CAMKMT: variants seen among roughly 807,000 people sequenced by gnomAD.
CAMKMT encodes the protein CaM KMT.
Under a neutral mutation model 48.0 loss-of-function variants are expected in CAMKMT, and 53 were observed. The ratio of observed to expected loss-of-function variants is 1.10; its 90% CI spans 0.89 to 1.39. CAMKMT has a LOEUF of 1.39. Ranked by LOEUF, CAMKMT falls within the 40% of genes most tolerant of loss-of-function variation. CAMKMT has a pLI of 0.00. For missense variants in CAMKMT, 428 were observed against 402.7 expected, an observed-to-expected ratio of 1.06 and a Z score of -0.54; for synonymous variants, 165 against 152.3, an observed-to-expected ratio of 1.08 and a Z score of -0.61.
intron 6 of CAMKMT, among the ~76,000 whole-genome samples, chr2:44,709,063 T>C (rs544475074): frequency 2.2e-4 from 34 of 152,294 alleles, no homozygotes; most frequent in African/African-American, 7.9e-4. Context: ...AATGCTAATG[T>C]CATTAATTAA....
intron 7 of CAMKMT, among the ~76,000 whole-genome samples, chr2:44,742,518 A>G (rs1188684212): frequency 2.6e-5 from 4 of 152,208 alleles, no homozygotes; most frequent in African/African-American, 9.6e-5. Context: ...TCTATGGCAC[A>G]GCACAGGACC....
intron 3 of CAMKMT, among the ~76,000 whole-genome samples, chr2:44,675,683 T>C (rs1675645588): frequency 6.6e-6 from 1 of 152,194 alleles, no homozygotes; most frequent in Admixed American, 6.5e-5. Flanking sequence ...TAATGTAAAA[T>C]TTACCATTTG....
intron 3 of CAMKMT, among the ~76,000 whole-genome samples, chr2:44,466,156 C>T (rs1374181597): frequency 6.6e-6 from 1 of 152,108 alleles, no homozygotes; most frequent in African/African-American, 2.4e-5. Context: ...CAAAGGACTT[C>T]AATAACATTA....
intron 10 of CAMKMT, among the ~76,000 whole-genome samples, chr2:44,771,421 T>G (rs1441043999): frequency 6.6e-6 from 1 of 152,210 alleles, no homozygotes; most frequent in East Asian, 1.9e-4. Context: ...TTTTAAAATC[T>G]TATCACAGAA....
Position 44,565,879 on chromosome 2 carries a change from C to G in CAMKMT, c.377-138404C>G, listed in dbSNP as rs887131881. 8.5e-5 allele frequency among the ~76,000 whole-genome samples: 13 copies of G among 152,122 alleles called. 1 individual carries two copies. The South Asian group carries it at 2.7e-3, about 32-fold the overall frequency. ...GCTGACTGTTCTAAAGTTGATGATG[C>G]TATTTCAGATCTTTTCACACAGATG... On this transcript the variant is annotated intron_variant, in intron 3 of 10. Coordinates refer to ENST00000378494, the MANE Select transcript of CAMKMT (RefSeq NM_024766.5).
chr2:44,761,365 C>A (rs1680610307), intron 9 of CAMKMT, among the ~76,000 whole-genome samples: 1 of 152,092 alleles, frequency 6.6e-6, no homozygotes, highest in African/African-American at 2.4e-5. Flanking sequence ...TGGCAGGAGA[C>A]CAGGCTGCGA....
intron 3 of CAMKMT, among the ~76,000 whole-genome samples, chr2:44,596,142 A>G (rs1308392757): frequency 3.3e-5 from 5 of 152,024 alleles, no homozygotes; most frequent in African/African-American, 4.8e-5. Context: ...TAAAAAAAAA[A>G]AAAGAAAGAA....
In CAMKMT at chr2:44,772,161, A is replaced by G. The variant is rs1362286385; in HGVS notation, c.*48A>G. ...AAGAAACGTATCAAGTGCATAGGGA[A>G]TATTTTTACAAAAACGGAAATCTGT... On this transcript the variant is annotated 3_prime_UTR_variant, in exon 11 of 11. Transcript: ENST00000378494. 6.6e-7 allele frequency: 1 copy of G among 1,512,864 alleles called. No individual in the cohort carries two copies. Among genetic ancestry groups the G allele is most frequent in the Non-Finnish European group, 9.1e-7 (1 of 1,095,218 alleles). 93.7% of individuals were successfully genotyped at this position (1,512,864 alleles called of 1,614,324 possible). A position where few individuals can be genotyped will look rare whatever the true frequency, so the allele number is the denominator to read the frequency against.
chr2:44,734,877 G>A (rs6721746), intron 7 of CAMKMT, among the ~76,000 whole-genome samples: 24,904 of 152,166 alleles, frequency 0.16, 2,102 homozygotes, highest in South Asian at 0.28. Context: ...TATTGATAGT[G>A]TTGTTTAAGT....
At chr2:44,456,122 T>C (rs1051184248) in intron 3 of CAMKMT, among the ~76,000 whole-genome samples, 8 of 152,232 alleles carry the variant, frequency 5.3e-5, no homozygotes, top group African/African-American at 1.7e-4. Flanking sequence ...TCAGTAAAAG[T>C]CAGGTCAACA....
intron 3 of CAMKMT, among the ~76,000 whole-genome samples, chr2:44,481,968 G>A (rs1354798450): frequency 1.3e-5 from 2 of 151,988 alleles, no homozygotes; most frequent in South Asian, 2.1e-4. Context: ...AAATGAATAT[G>A]TATTTAACTT....
intron 3 of CAMKMT, among the ~76,000 whole-genome samples, chr2:44,692,446 T>C (rs1676711088): frequency 6.6e-6 from 1 of 152,178 alleles, no homozygotes; most frequent in South Asian, 2.1e-4. Flanking sequence ...TTATTCTCTA[T>C]TTCGTTAACA....
chr2:44,550,657 A>C (rs1295867462), intron 3 of CAMKMT: 1 of 152,184 alleles, frequency 6.6e-6, no homozygotes, highest in Non-Finnish European at 1.5e-5. Context: ...AGTTACCAAG[A>C]TCTATTGACC....
intron 3 of CAMKMT, among the ~76,000 whole-genome samples, chr2:44,435,213 T>G (rs146605712): frequency 7.9e-5 from 12 of 152,300 alleles, no homozygotes; most frequent in African/African-American, 2.6e-4. Context: ...ATTTAGTATG[T>G]AAATTAGGTA....
intron 3 of CAMKMT, among the ~76,000 whole-genome samples, chr2:44,455,416 T>A (rs894824761): frequency 6.6e-6 from 1 of 152,172 alleles, no homozygotes; most frequent in Admixed American, 6.5e-5. Context: ...GTTGCCATGA[T>A]ACACTGTAAG....
intron 3 of CAMKMT, among the ~76,000 whole-genome samples, chr2:44,545,346 G>C (rs1012787970): frequency 6.6e-6 from 1 of 152,152 alleles, no homozygotes; most frequent in Non-Finnish European, 1.5e-5. Flanking sequence ...AACCTTTACA[G>C]TCCCCAAGTA....
At chr2:44,396,294 C>A (rs201433845) in intron 3 of CAMKMT, among the ~76,000 whole-genome samples, 1 of 151,824 alleles carries the variant, frequency 6.6e-6, no homozygotes, top group Non-Finnish European at 1.5e-5. Context: ...ATTCAAAAAG[C>A]GCATCAAAAA....
chr2:44,491,912 T>G (rs1361923535), intron 3 of CAMKMT, among the ~76,000 whole-genome samples: 1 of 152,240 alleles, frequency 6.6e-6, no homozygotes, highest in Non-Finnish European at 1.5e-5. Flanking sequence ...TCTTTCTTTT[T>G]TAATCAATTA....
intron 3 of CAMKMT, among the ~76,000 whole-genome samples, chr2:44,439,153 C>T (rs1261291126): frequency 6.6e-6 from 1 of 152,016 alleles, no homozygotes; most frequent in Non-Finnish European, 1.5e-5. Context: ...TTTTTTTTCT[C>T]ACTGTCTTTT....
Sources: gnomAD v4.1 joint callset for allele counts (sites outside exome capture counted in the v4.1 genomes callset) on GRCh38, gnomAD v4.1.1 for gene constraint, MANE v1.5 for transcripts, NCBI Gene and HGNC (gene_info 2026-07-23, HGNC 2026-07-21) for gene names.